The following SPTB variants were observed in gnomAD, a reference collection of about 807,000 sequenced individuals.
SPTB encodes spectrin beta chain, erythrocytic.
SPTB carries 45 observed loss-of-function variants against 256.2 expected under a neutral mutation model. The ratio of observed to expected loss-of-function variants is 0.18; its 90% CI spans 0.14 to 0.23. SPTB has a LOEUF of 0.23. SPTB is among the 10% of genes least tolerant of loss of function. The probability of loss-of-function intolerance (pLI) is 1.00; values close to 1 mark genes in which losing one functional copy is unlikely to be tolerated. For missense variants in SPTB, 2,715 were observed against 3,040.4 expected (o/e 0.89, Z 2.52); for synonymous variants, 1,231 against 1,243.1 (o/e 0.99, Z 0.21).
intron 1 of SPTB, among the ~76,000 whole-genome samples, chr14:64,870,186 A>G (rs1882446942): frequency 6.6e-6 from 1 of 152,162 alleles, no homozygotes; most frequent in African/African-American, 2.4e-5. Context: ...CTGGTAAGGA[A>G]GAGGGGCTGT....
chr14:64,854,499 C>T (rs1395931429), intron 1 of SPTB, among the ~76,000 whole-genome samples: 2 of 151,644 alleles, frequency 1.3e-5, no homozygotes, highest in Non-Finnish European at 2.9e-5. Flanking sequence ...AGGATGGTCT[C>T]GATCTCCTGA....
chr14:64,825,552 G>T lies in SPTB; in HGVS notation c.-51-2407C>A, dbSNP rs1016643187. Among the ~76,000 whole-genome samples the T allele has an allele frequency of 6.6e-6, 1 of 152,132 alleles. No individual in the cohort carries two copies. The highest frequency in any genetic ancestry group is 1.5e-5 in the Non-Finnish European group (1 of 68,024). ...TGACAGGCTGACCACCTCCTGCAGG[G>T]CCACAAGCCTGTCCAGCAGCCCCTG... On this transcript the variant is annotated intron_variant, in intron 1 of 35. Transcript: ENST00000644917. The surrounding 1 kb of genome is among the most constrained non-coding windows in gnomAD (Gnocchi z 4.8).
intron 1 of SPTB, among the ~76,000 whole-genome samples, chr14:64,839,456 G>T (rs2083572986): frequency 6.6e-6 from 1 of 152,148 alleles, no homozygotes; most frequent in Non-Finnish European, 1.5e-5. Context: ...ACAGAAAGGA[G>T]CATGAGGGAA....
Position 64,840,986 on chromosome 14 carries a change from C to T in SPTB, c.-51-17841G>A, listed in dbSNP as rs187454141. ...GGAAGGTAATTTAAACATTTCTTATCGGCACAGCTGGAAAAACTGCTTTTC... is the reference window on the plus strand; with the variant it reads ...GGAAGGTAATTTAAACATTTCTTATTGGCACAGCTGGAAAAACTGCTTTTC... On this transcript the variant is annotated intron_variant, in intron 1 of 35. Transcript: ENST00000644917. Among the ~76,000 whole-genome samples, 97 of 152,302 alleles carry T rather than the reference C, an allele frequency of 6.4e-4. 1 individual carries two copies. Among genetic ancestry groups the T allele is most frequent in the Non-Finnish European group, 1.8e-4 (12 of 68,028 alleles).
chr14:64,879,456 G>A (rs1883001407), intron 1 of SPTB, among the ~76,000 whole-genome samples: 1 of 152,236 alleles, frequency 6.6e-6, no homozygotes, highest in Non-Finnish European at 1.5e-5. Context: ...TCCTGGAGAA[G>A]GCGGACGAGA....
chr14:64,787,107 G>C lies in SPTB; in HGVS notation c.2858C>G (p.Ala953Gly), dbSNP rs983201841. ...VSERREAVDS[A>G]LRVHNYCVDC... ...TACGCAGTAGTTGTGCACTCGGAGG[G>C]CTGAGTCCACAGCCTCCCGCCGCTC... The change falls in exon 16 of 36, where the codon GCC (alanine) becomes GGC (glycine). Residue 953 changes from alanine (A) to glycine (G), a missense_variant. Around this residue, in one of 4 missense-constraint regions of SPTB, gnomAD observed 2,239 missense variants for 2,384.4 expected, o/e 0.94. Transcript: ENST00000644917. 1.2e-6 allele frequency: 2 copies of C among 1,608,100 alleles called. No homozygotes were observed. Among genetic ancestry groups the C allele is most frequent in the African/African-American group, 2.7e-5 (2 of 74,878 alleles).
At chr14:64,770,461 T>C (rs999304423) in intron 27 of SPTB, among the ~76,000 whole-genome samples, 4 of 152,198 alleles carry the variant, frequency 2.6e-5, no homozygotes, top group Non-Finnish European at 5.9e-5. Flanking sequence ...ACTGCCCACA[T>C]GCCTGACTCC....
intron 1 of SPTB, among the ~76,000 whole-genome samples, chr14:64,835,465 C>T (rs1043015571): frequency 6.6e-5 from 10 of 152,142 alleles, no homozygotes; most frequent in East Asian, 3.9e-4. Flanking sequence ...AGGCTGGTCT[C>T]GAACTCCTGA....
At chr14:64,765,998 GGT>G (rs935835509) in intron 32 of SPTB, among the ~76,000 whole-genome samples, 10 of 150,470 alleles carry the variant, frequency 6.6e-5, no homozygotes, top group African/African-American at 2.5e-4. Context: ...GGATGGGTGT[GGT>G]GTGTGCATAT....
rs1326753639 is a variant in SPTB, at chr14:64,824,619, G to A, written c.-51-1474C>T. On this transcript the variant is annotated intron_variant, in intron 1 of 35. Coordinates refer to ENST00000644917, the MANE Select transcript of SPTB (RefSeq NM_001355436.2). This position sits in a 1 kb window ranked among gnomAD's most constrained non-coding sequence, Gnocchi z 5.7. ...GGAGGCTGTGAGGCAGACCTGTGAT[G>A]GGGGTTGACAGCCAGTGAGCTGTGA... Among the ~76,000 whole-genome samples, 1 of 152,164 alleles carries A rather than the reference G, an allele frequency of 6.6e-6. No individual in the cohort carries two copies. Among genetic ancestry groups the A allele is most frequent in the African/African-American group, 2.4e-5 (1 of 41,438 alleles).
In SPTB at chr14:64,825,913, G is replaced by A. The variant is rs1008030103; in HGVS notation, c.-51-2768C>T. Among the ~76,000 whole-genome samples the A allele has an allele frequency of 3.3e-5, 5 of 152,356 alleles. No individual in the cohort carries two copies. The highest frequency in any genetic ancestry group is 1.9e-4 in the East Asian group (1 of 5,184). ...CCATGGCTCAGAGAAGGCAGCAGCC[G>A]GGCAGCAGCTCTGCCAGGAATGGGA... On this transcript the variant is annotated intron_variant, in intron 1 of 35. Coordinates refer to ENST00000644917, the MANE Select transcript of SPTB (RefSeq NM_001355436.2). The surrounding 1 kb of genome is among the most constrained non-coding windows in gnomAD (Gnocchi z 4.8).
rs1476225804 is a variant in SPTB at position 64,777,107 on chromosome 14, A to T, written c.4564-1704T>A. Among the ~76,000 whole-genome samples the T allele has an allele frequency of 2.6e-5, 4 of 152,198 alleles. No individual in the cohort carries two copies. Among genetic ancestry groups the T allele is most frequent in the Non-Finnish European group, 5.9e-5 (4 of 68,030 alleles). ...GGAGTCAGGGAGGGCCTCTCTGAGG[A>T]TACGAAACTTGACCATGACATGAAT... On this transcript the variant is annotated intron_variant, in intron 22 of 35. Transcript: ENST00000644917. This position sits in a 1 kb window ranked among gnomAD's most constrained non-coding sequence, Gnocchi z 4.5.
At position 64,769,584 on chromosome 14, in the gene SPTB, C is replaced by T; in HGVS notation, c.5937+6G>A. On this transcript the variant is annotated splice_donor_region_variant and intron_variant, in intron 28 of 35. Transcript: ENST00000644917. Reference sequence around the variant, plus strand: ...GAGCTCGCCTCCATCCTTGCAGTCCCCTCACCTCCTCTGAGGCCTGGTGCT... The same window carrying T: ...GAGCTCGCCTCCATCCTTGCAGTCCTCTCACCTCCTCTGAGGCCTGGTGCT... The T allele has an allele frequency of 6.2e-7, 1 of 1,613,848 alleles. No homozygotes were observed. The highest frequency in any genetic ancestry group is 2.2e-5 in the East Asian group (1 of 44,892).
intron 1 of SPTB, among the ~76,000 whole-genome samples, chr14:64,863,909 T>C (rs1882001856): frequency 6.6e-6 from 1 of 152,202 alleles, no homozygotes; most frequent in African/African-American, 2.4e-5. Flanking sequence ...AAAATGGCAA[T>C]TACAATATCA....
chr14:64,809,721 C>A (rs2083052546), intron 2 of SPTB, among the ~76,000 whole-genome samples: 1 of 152,154 alleles, frequency 6.6e-6, no homozygotes, highest in Non-Finnish European at 1.5e-5. Context: ...GAAGGTGTGG[C>A]AGGGTCATTT....
chr14:64,767,245 AC>A, intron 31 of SPTB, 57 bp downstream of exon 31: 1 of 1,605,876 alleles, frequency 6.2e-7, no homozygotes. Context: ...GATGAAAGGC[AC>A]CCCCTACTCC....
intron 27 of SPTB, 150 bp from the exon 28 acceptor site, chr14:64,769,878 A>G (rs1429804153): frequency 1.0e-6 from 1 of 1,003,596 alleles, no homozygotes; most frequent in Non-Finnish European, 1.5e-6. Flanking sequence ...GTCCTCCGCC[A>G]GCCCAGCCCC....
At chr14:64,877,849 T>C (rs1408056537) in intron 1 of SPTB, among the ~76,000 whole-genome samples, 1 of 152,260 alleles carries the variant, frequency 6.6e-6, no homozygotes, top group Non-Finnish European at 1.5e-5. Context: ...GTCTTGCTCC[T>C]GTCATACCTT....
chr14:64,807,936 T>C lies in SPTB; in HGVS notation c.149-2846A>G, dbSNP rs2083015793. On this transcript the variant is annotated intron_variant, in intron 2 of 35. Coordinates refer to ENST00000644917, the MANE Select transcript of SPTB (RefSeq NM_001355436.2). The surrounding 1 kb of genome is among the most constrained non-coding windows in gnomAD (Gnocchi z 4.7). ...ATTTCCAGAGCCCTAACCCTGCCAGTGCAGGAAGGGGGTGAGTCCACCAGC... is the reference window on the plus strand; with the variant it reads ...ATTTCCAGAGCCCTAACCCTGCCAGCGCAGGAAGGGGGTGAGTCCACCAGC... 6.6e-6 allele frequency among the ~76,000 whole-genome samples: 1 copy of C among 152,234 alleles called. No individual in the cohort carries two copies. Among genetic ancestry groups the C allele is most frequent in the East Asian group, 1.9e-4 (1 of 5,196 alleles).
Sources: gnomAD v4.1 joint callset for allele counts (sites outside exome capture counted in the v4.1 genomes callset) on GRCh38, gnomAD v4.1.1 for gene constraint, gnomAD v4.1.1 regional missense constraint, Gnocchi (gnomAD v3.1) non-coding constraint, MANE v1.5 for transcripts, NCBI Gene and HGNC (gene_info 2026-07-23, HGNC 2026-07-21) for gene names.